The following MACO1 variants were observed in gnomAD, a reference collection of about 807,000 sequenced individuals.
MACO1 encodes the protein macoilin.
MACO1 carries 14 observed loss-of-function variants against 78.7 expected under a neutral mutation model. That is an observed-to-expected ratio of 0.18 (90% confidence interval 0.12 to 0.28). The LOEUF (loss-of-function observed/expected upper bound fraction) is 0.28, where lower values mean the gene tolerates loss of function less well. MACO1 is among the 10% of genes least tolerant of loss of function. The probability of loss-of-function intolerance (pLI) is 1.00; values close to 1 mark genes in which losing one functional copy is unlikely to be tolerated. For synonymous variants in MACO1, 288 were observed against 291.6 expected, an observed-to-expected ratio of 0.99 and a Z score of 0.12; for missense variants, 501 against 799.0, an observed-to-expected ratio of 0.63 and a Z score of 4.50.
intron 1 of MACO1, among the ~76,000 whole-genome samples, chr1:25,438,619 A>G (rs2042940608): frequency 2.0e-5 from 3 of 152,238 alleles, no homozygotes; most frequent in Admixed American, 2.0e-4. Context: ...AGAAGTGGAC[A>G]TGACTGGGCC....
At position 25,458,912 on chromosome 1, in the gene MACO1, C is replaced by T; in HGVS notation, c.1154+20C>T. 1 of 1,596,880 alleles carries T rather than the reference C, an allele frequency of 6.3e-7. No individual in the cohort carries two copies. Among genetic ancestry groups the T allele is most frequent in the Non-Finnish European group, 8.5e-7 (1 of 1,171,476 alleles). ...GGTCAGGTAAGTGCACATGCTGCATCCTTACTAACACTTTCCAGTAAACTT... is the reference window on the plus strand; with the variant it reads ...GGTCAGGTAAGTGCACATGCTGCATTCTTACTAACACTTTCCAGTAAACTT... On this transcript the variant is annotated intron_variant, in intron 6 of 10. Transcript: ENST00000374343.
intron 8 of MACO1, among the ~76,000 whole-genome samples, chr1:25,488,571 G>C (rs904955941): frequency 1.3e-5 from 2 of 151,482 alleles, no homozygotes; most frequent in Non-Finnish European, 2.9e-5. Flanking sequence ...TCAGCTCAGT[G>C]CAGCCTCTGC....
At chr1:25,440,025 A>AC (rs1179639077) in intron 1 of MACO1, among the ~76,000 whole-genome samples, 2 of 151,964 alleles carry the variant, frequency 1.3e-5, no homozygotes, top group African/African-American at 4.8e-5. Context: ...TCAAAAAAAA[A>AC]AAAAAAGATT....
chr1:25,462,362 T>C (rs1241622479), intron 6 of MACO1, among the ~76,000 whole-genome samples: 1 of 152,124 alleles, frequency 6.6e-6, no homozygotes, highest in Non-Finnish European at 1.5e-5. Context: ...GCATATTGCA[T>C]GATGCTGAGC....
At chr1:25,471,513 C>A (rs1233125495) in intron 6 of MACO1, among the ~76,000 whole-genome samples, 1 of 152,100 alleles carries the variant, frequency 6.6e-6, no homozygotes, top group Non-Finnish European at 1.5e-5. Context: ...GCTTATTATA[C>A]CATAATAGAA....
chr1:25,442,579 C>T (rs911655696), intron 1 of MACO1, among the ~76,000 whole-genome samples: 1 of 152,108 alleles, frequency 6.6e-6, no homozygotes, highest in African/African-American at 2.4e-5. Flanking sequence ...AGAAAAGGTG[C>T]ACTTTACTTG....
intron 1 of MACO1, among the ~76,000 whole-genome samples, chr1:25,443,531 A>C (rs946958754): frequency 1.3e-5 from 2 of 152,204 alleles, no homozygotes. Flanking sequence ...AAAGGTATGA[A>C]AGCAGTTGTT....
chr1:25,455,915 A>G (rs1264123659), intron 4 of MACO1, among the ~76,000 whole-genome samples: 2 of 151,678 alleles, frequency 1.3e-5, no homozygotes, highest in African/African-American at 4.8e-5. Context: ...TTTTTTTTTA[A>G]CACTTATGTT....
At position 25,454,468 on chromosome 1, in the gene MACO1, G is replaced by GTATATATATATA. The variant is rs1331624529; in HGVS notation, c.473+87_473+88insATATATATATAT. On this transcript the variant is annotated intron_variant, in intron 4 of 10. Coordinates refer to ENST00000374343, the MANE Select transcript of MACO1 (RefSeq NM_018202.6). The stretch of plus-strand genomic sequence containing the variant: ...TGTGTGTGTGTGTGTGTGTGTGTGT[G>GTATATATATATA]TGTATATATATATATATATATTTTT... The GTATATATATATA allele has an allele frequency of 6.7e-3, 1,031 of 152,788 alleles. 7 individuals are homozygous for GTATATATATATA. The highest frequency in any genetic ancestry group is 0.012 in the South Asian group (26 of 2,136). The allele number at this position is 152,788 out of a possible 1,614,324, so 9.5% of individuals were successfully genotyped here. A position where few individuals can be genotyped will look rare whatever the true frequency, so the allele number is the denominator to read the frequency against.
chr1:25,466,923 C>T (rs1036522111), intron 6 of MACO1, among the ~76,000 whole-genome samples: 1 of 151,966 alleles, frequency 6.6e-6, no homozygotes, highest in African/African-American at 2.4e-5. Flanking sequence ...CTCATTTTTA[C>T]ATAGGATGGA....
chr1:25,471,088 C>T (rs2043264839), intron 6 of MACO1, among the ~76,000 whole-genome samples: 1 of 151,732 alleles, frequency 6.6e-6, no homozygotes, highest in Admixed American at 6.6e-5. Flanking sequence ...CCTGTAATCC[C>T]AGCACTTTGG....
chr1:25,475,399 C>T (rs2043312687), intron 6 of MACO1, among the ~76,000 whole-genome samples: 2 of 151,574 alleles, frequency 1.3e-5, no homozygotes, highest in Non-Finnish European at 2.9e-5. Context: ...TAAAGTTCCC[C>T]TTTTTTGGAG....
intron 6 of MACO1, among the ~76,000 whole-genome samples, chr1:25,478,442 C>T (rs887372842): frequency 2.0e-5 from 3 of 152,032 alleles, no homozygotes; most frequent in African/African-American, 7.3e-5. Context: ...AATTATTAAT[C>T]ATTTACATTA....
intron 8 of MACO1, among the ~76,000 whole-genome samples, chr1:25,486,779 C>T (rs2043437007): frequency 6.6e-6 from 1 of 152,226 alleles, no homozygotes; most frequent in Non-Finnish European, 1.5e-5. Flanking sequence ...TGCCTCCCCC[C>T]AGCAGATGGC....
intron 6 of MACO1, among the ~76,000 whole-genome samples, chr1:25,461,054 C>T (rs1386246337): frequency 1.3e-5 from 2 of 151,878 alleles, no homozygotes; most frequent in Non-Finnish European, 2.9e-5. Flanking sequence ...AGTTCATGTC[C>T]TTTGTAGGGA....
chr1:25,431,058 A>ACGG lies in MACO1; in HGVS notation c.-29_-27dup, dbSNP rs764650744. On this transcript the variant is annotated 5_prime_UTR_variant, in exon 1 of 11. Coordinates refer to ENST00000374343, the MANE Select transcript of MACO1 (RefSeq NM_018202.6). ...GCGGCGGCGGCAGCTGAGGTGAGAG[A>ACGG]CGGCGGCGGCGGCGCGGGCACCCGG... The ACGG allele has an allele frequency of 2.4e-5, 37 of 1,514,744 alleles. No homozygotes were observed. The highest frequency in any genetic ancestry group is 3.6e-4 in the Middle Eastern group (2 of 5,616). 93.8% of individuals were successfully genotyped at this position (1,514,744 alleles called of 1,614,324 possible).
intron 6 of MACO1, among the ~76,000 whole-genome samples, chr1:25,467,308 C>G (rs1051015797): frequency 2.6e-5 from 4 of 152,026 alleles, no homozygotes; most frequent in Non-Finnish European, 5.9e-5. Flanking sequence ...GAGCAGGGTG[C>G]GACACCTGAA....
At chr1:25,481,270 A>G (rs889846753) in intron 6 of MACO1, among the ~76,000 whole-genome samples, 2 of 152,152 alleles carry the variant, frequency 1.3e-5, no homozygotes, top group Non-Finnish European at 2.9e-5. Context: ...GTGCATCTGC[A>G]TATGATGCAG....
rs376483276 is a variant in MACO1 at position 25,492,881 on chromosome 1, G to A, written c.1792+1297G>A. On this transcript the variant is annotated intron_variant, in intron 10 of 10. Coordinates refer to ENST00000374343, the MANE Select transcript of MACO1 (RefSeq NM_018202.6). ...TCAAATGGTTGACTTAGTGGAAAGA[G>A]AAGAATATTTCAAGCAAGGCATGGT... is the stretch of plus-strand genomic sequence containing the variant. 1.2e-4 allele frequency among the ~76,000 whole-genome samples: 18 copies of A among 152,268 alleles called. No homozygotes were observed. The East Asian group carries it at 3.5e-3, about 29-fold the overall frequency.
Sources: gnomAD v4.1 joint callset for allele counts (sites outside exome capture counted in the v4.1 genomes callset) on GRCh38, gnomAD v4.1.1 for gene constraint, MANE v1.5 for transcripts, NCBI Gene and HGNC (gene_info 2026-07-23, HGNC 2026-07-21) for gene names.